STK3: variants seen among roughly 807,000 people sequenced by gnomAD.
STK3 encodes serine/threonine-protein kinase 3.
Under a neutral mutation model 58.0 loss-of-function variants are expected in STK3, and 41 were observed. That is an observed-to-expected ratio of 0.71 (90% CI 0.55 to 0.92). The LOEUF is 0.92. Among genes scored for constraint, STK3 ranks in the 40% least tolerant of loss-of-function variants. STK3 has a pLI of 0.00. For missense variants in STK3, 479 were observed against 602.7 expected (o/e 0.79, Z 2.15); for synonymous variants, 170 against 191.0 (o/e 0.89, Z 0.91).
Position 98,742,419 on chromosome 8 carries a change from G to C in STK3, c.351+6857C>G, listed in dbSNP as rs1829297147. ...GGATTCATCCCTGGGATGCAAGGCT[G>C]GTTCAACATACGCAAATCAATAAAC... On this transcript the variant is annotated intron_variant, in intron 4 of 10. Coordinates refer to ENST00000419617, the MANE Select transcript of STK3 (RefSeq NM_006281.4). Among the ~76,000 whole-genome samples the C allele has an allele frequency of 3.2e-5, 4 of 124,204 alleles. 2 individuals are homozygous for C. Among genetic ancestry groups the C allele is most frequent in the African/African-American group, 1.2e-4 (4 of 32,546 alleles). 81.5% of individuals were successfully genotyped at this position (124,204 alleles called of 152,430 possible). A position where few individuals can be genotyped will look rare whatever the true frequency, so the allele number is the denominator to read the frequency against.
intron 4 of STK3, among the ~76,000 whole-genome samples, chr8:98,717,806 C>T (rs1477931583): frequency 6.6e-6 from 1 of 152,070 alleles, no homozygotes; most frequent in African/African-American, 2.4e-5. Context: ...AAATGTCATT[C>T]GACAGACAAA....
intron 3 of STK3, among the ~76,000 whole-genome samples, chr8:98,415,230 A>T (rs4735562): frequency 0.91 from 138,604 of 152,280 alleles, 63,323 homozygotes; most frequent in Admixed American, 0.95. Flanking sequence ...AGAATCTTGA[A>T]CTGGGACCTC....
At chr8:98,732,732 T>C (rs985876794) in intron 4 of STK3, among the ~76,000 whole-genome samples, 1 of 151,814 alleles carries the variant, frequency 6.6e-6, no homozygotes, top group African/African-American at 2.4e-5. Flanking sequence ...CTCAAAGCAA[T>C]AAGTCCACAT....
At chr8:98,678,267 T>C (rs563993238) in intron 6 of STK3, among the ~76,000 whole-genome samples, 1 of 152,266 alleles carries the variant, frequency 6.6e-6, no homozygotes, top group South Asian at 2.1e-4. Context: ...TAGAGAGTTC[T>C]TAACATTCTA....
At chr8:98,463,029 T>A (rs1422046500) in intron 10 of STK3, 2 of 150,868 alleles carry the variant, frequency 1.3e-5, no homozygotes, top group African/African-American at 4.9e-5. Flanking sequence ...AATTTTAGTA[T>A]ATGTGCTGCT....
At chr8:98,705,435 T>C (rs2131061123) in intron 6 of STK3, among the ~76,000 whole-genome samples, 1 of 151,608 alleles carries the variant, frequency 6.6e-6, no homozygotes, top group African/African-American at 2.4e-5. Flanking sequence ...AAAAAAACTC[T>C]CTTTAAAATG....
chr8:98,465,771 G>A (rs1820414924), intron 10 of STK3, among the ~76,000 whole-genome samples: 1 of 152,164 alleles, frequency 6.6e-6, no homozygotes, highest in Non-Finnish European at 1.5e-5. Context: ...ACAAACTGAT[G>A]AGCATTACTA....
chr8:98,482,747 T>C (rs567520466), intron 10 of STK3, among the ~76,000 whole-genome samples: 65 of 152,198 alleles, frequency 4.3e-4, no homozygotes, highest in African/African-American at 1.4e-3. Flanking sequence ...CAGACCTCCA[T>C]GGTGAGTCAA....
the STK3 span, among the ~76,000 whole-genome samples, chr8:98,347,289 C>T: frequency 2.1e-3 from 325 of 151,860 alleles, 2 homozygotes; most frequent in Non-Finnish European, 3.8e-3. Context: ...CCGAGGCGGG[C>T]GGATCACGAG....
chr8:98,541,020 G>A (rs187071192), intron 9 of STK3, among the ~76,000 whole-genome samples: 6 of 152,226 alleles, frequency 3.9e-5, no homozygotes, highest in Non-Finnish European at 5.9e-5. Flanking sequence ...ACTCAGCGGC[G>A]CCAGCGGTAG....
intron 1 of STK3, among the ~76,000 whole-genome samples, chr8:98,793,913 A>G (rs1832965209): frequency 6.6e-6 from 1 of 152,242 alleles, no homozygotes; most frequent in Non-Finnish European, 1.5e-5. Flanking sequence ...CCACATAATT[A>G]CATGGAAATT....
At chr8:98,717,610 A>AG (rs1333774637) in intron 4 of STK3, among the ~76,000 whole-genome samples, 3 of 152,200 alleles carry the variant, frequency 2.0e-5, no homozygotes, top group Non-Finnish European at 4.4e-5. Context: ...AATAGTATGA[A>AG]GATTCCTTTA....
At chr8:98,695,267 T>C (rs1337156676) in intron 6 of STK3, among the ~76,000 whole-genome samples, 1 of 152,214 alleles carries the variant, frequency 6.6e-6, no homozygotes, top group African/African-American at 2.4e-5. Context: ...GATGAGTAGA[T>C]TGCAAAAATT....
intron 10 of STK3, among the ~76,000 whole-genome samples, chr8:98,470,492 C>T (rs1371429644): frequency 1.3e-5 from 2 of 152,208 alleles, no homozygotes; most frequent in African/African-American, 4.8e-5. Context: ...CAGTACAAGG[C>T]CTTTTAAGTA....
At chr8:98,934,572 G>T (rs1402885671) in intron 1 of STK3, among the ~76,000 whole-genome samples, 1 of 152,232 alleles carries the variant, frequency 6.6e-6, no homozygotes, top group African/African-American at 2.4e-5. Flanking sequence ...AGGTGTCAGT[G>T]AAAACGATGT....
chr8:98,888,263 G>A (rs2131915625), intron 1 of STK3, among the ~76,000 whole-genome samples: 1 of 152,300 alleles, frequency 6.6e-6, no homozygotes, highest in Middle Eastern at 3.4e-3. Context: ...AGGATGCAGT[G>A]AGCCGAGATT....
At chr8:98,392,446 G>T (rs369263124), upstream of STK3, among the ~76,000 whole-genome samples, 2 of 152,098 alleles carry the variant, frequency 1.3e-5, no homozygotes, top group East Asian at 1.9e-4. Flanking sequence ...GATCCTCTGG[G>T]CTCCCCTCCC....
chr8:98,750,461 CA>C (rs57932163), intron 3 of STK3, among the ~76,000 whole-genome samples: 3,757 of 106,706 alleles, frequency 0.035, 96 homozygotes, highest in African/African-American at 0.089. Context: ...AACAAATAAG[CA>C]AAAAAAAAAA....
At chr8:98,656,709 C>T (rs1007623328) in intron 6 of STK3, among the ~76,000 whole-genome samples, 2 of 151,918 alleles carry the variant, frequency 1.3e-5, no homozygotes, top group Admixed American at 1.3e-4. Context: ...AGTATGCTTC[C>T]AGTCACTCTA....
Sources: allele counts gnomAD v4.1 joint callset (sites outside exome capture counted in the v4.1 genomes callset), GRCh38; gene constraint gnomAD v4.1.1; transcripts MANE v1.5; gene names NCBI Gene and HGNC (gene_info 2026-07-23, HGNC 2026-07-21).